The following ZFP82 variants were observed in gnomAD, a reference collection of about 807,000 sequenced individuals.
ZFP82 encodes ZFP82 zinc finger protein.
ZFP82 carries 30 observed loss-of-function variants against 54.0 expected under a neutral mutation model. That is an observed-to-expected ratio of 0.56 (90% CI 0.42 to 0.75). The LOEUF (loss-of-function observed/expected upper bound fraction) is 0.75, where lower values mean the gene tolerates loss of function less well. ZFP82 is among the 30% of genes least tolerant of loss of function. ZFP82 has a pLI of 0.00. For missense variants in ZFP82, 500 were observed against 636.8 expected (o/e 0.79, Z 2.31); for synonymous variants, 194 against 209.5 (o/e 0.93, Z 0.64).
chr19:36,418,161 T>C (rs1251882187), intron 1 of ZFP82, among the ~76,000 whole-genome samples: 2 of 151,950 alleles, frequency 1.3e-5, no homozygotes, highest in Non-Finnish European at 2.9e-5. Context: ...CCAGCGATCC[T>C]CCCGCCTCGC....
chr19:36,417,692 T>G lies in ZFP82; in HGVS notation c.-79+800A>C, dbSNP rs150646766. On this transcript the variant is annotated intron_variant, in intron 1 of 4. Transcript: ENST00000392161. Reference sequence around the variant, plus strand: ...ACATAAGAGAGATGGTGTTGTTAACTCTTCCCAGTATCAAAGAAAGGCCAG... The same window carrying G: ...ACATAAGAGAGATGGTGTTGTTAACGCTTCCCAGTATCAAAGAAAGGCCAG... Among the ~76,000 whole-genome samples, 84 of 152,226 alleles carry G rather than the reference T, an allele frequency of 5.5e-4. 1 individual carries two copies. The East Asian group carries it at 0.015, about 27-fold the overall frequency.
chr19:36,396,087 G>C (rs2032288999), intron 4 of ZFP82: 1 of 142,060 alleles, frequency 7.0e-6, no homozygotes, highest in Non-Finnish European at 1.5e-5. Context: ...TGTATTTTTA[G>C]TAGAGACAGG....
intron 2 of ZFP82, among the ~76,000 whole-genome samples, chr19:36,408,644 C>A (rs1208186699): frequency 6.6e-6 from 1 of 151,974 alleles, no homozygotes; most frequent in Non-Finnish European, 1.5e-5. Context: ...ACAGGAGAAC[C>A]CTTGTTTCTA....
intron 1 of ZFP82, among the ~76,000 whole-genome samples, chr19:36,416,878 G>C (rs1053091800): frequency 6.6e-6 from 1 of 151,504 alleles, no homozygotes; most frequent in Middle Eastern, 3.4e-3. Flanking sequence ...TTTGAGACCA[G>C]CCTGGCCAAC....
At chr19:36,384,411 G>A (rs1421954783), downstream of ZFP82, 1 of 152,008 alleles carries the variant, frequency 6.6e-6, no homozygotes, top group Non-Finnish European at 1.5e-5. Flanking sequence ...TTTCATCTTC[G>A]AAGTCCTTTT....
In ZFP82 at chr19:36,391,766, C is replaced by G. The variant is rs1468431148; in HGVS notation, c.*975G>C. The stretch of plus-strand genomic sequence containing the variant: ...ACAGGCATGGGCCACCTCACCTGGT[C>G]TAGGGTATCTGTTTTTTAATGAACA... On this transcript the variant is annotated 3_prime_UTR_variant, in exon 5 of 5. Transcript: ENST00000392161. 1 of 152,082 alleles carries G rather than the reference C, an allele frequency of 6.6e-6. No homozygotes were observed. Among genetic ancestry groups the G allele is most frequent in the African/African-American group, 2.4e-5 (1 of 41,400 alleles). 9.4% of individuals were successfully genotyped at this position (152,082 alleles called of 1,614,324 possible). A position where few individuals can be genotyped will look rare whatever the true frequency, so the allele number is the denominator to read the frequency against.
chr19:36,399,201 C>T (rs1161032492), intron 4 of ZFP82, among the ~76,000 whole-genome samples: 1 of 152,082 alleles, frequency 6.6e-6, no homozygotes, highest in Non-Finnish European at 1.5e-5. Flanking sequence ...TATGGATAAC[C>T]TTTATGAGGA....
chr19:36,417,496 C>T (rs1227585542), intron 1 of ZFP82, among the ~76,000 whole-genome samples: 3 of 152,148 alleles, frequency 2.0e-5, no homozygotes, highest in African/African-American at 7.2e-5. Flanking sequence ...AACACCCACT[C>T]GCCTCGACCT....
At chr19:36,386,544 A>G (rs986642172), downstream of ZFP82, among the ~76,000 whole-genome samples, 3 of 152,236 alleles carry the variant, frequency 2.0e-5, no homozygotes, top group Admixed American at 2.0e-4. Flanking sequence ...GCATAAGCCC[A>G]GCAAAGCCAT....
Position 36,405,637 on chromosome 19 carries a change from A to G in ZFP82, c.172T>C (p.Leu58=), listed in dbSNP as rs1438295058. Residue 58 remains leucine, a synonymous_variant, in exon 4 of 5, where the codon TTG becomes CTG. Coordinates refer to ENST00000392161, the MANE Select transcript of ZFP82 (RefSeq NM_133466.4). ...FISKPDVISS[L]EQGKEPWKVV... ...TTCCAAGGCTCTTTTCCTTGCTCCA[A>G]TGAGGAAATCACATCTGGTTTAGAA... 2 of 1,610,520 alleles carry G rather than the reference A, an allele frequency of 1.2e-6. No individual in the cohort carries two copies. The highest frequency in any genetic ancestry group is 1.3e-5 in the African/African-American group (1 of 74,902).
intron 4 of ZFP82, among the ~76,000 whole-genome samples, chr19:36,402,330 A>C (rs911786071): frequency 6.6e-6 from 1 of 152,004 alleles, no homozygotes; most frequent in Non-Finnish European, 1.5e-5. Context: ...TTAGCCAGGC[A>C]TGGTGGCGGG....
chr19:36,413,668 T>C (rs1212870158), intron 1 of ZFP82, among the ~76,000 whole-genome samples: 1 of 152,156 alleles, frequency 6.6e-6, no homozygotes, highest in Non-Finnish European at 1.5e-5. Context: ...AGATTCAGGA[T>C]ATGAACAGAG....
intron 4 of ZFP82, among the ~76,000 whole-genome samples, chr19:36,397,558 TTTG>T (rs145364896): frequency 0.032 from 4,919 of 151,870 alleles, 180 homozygotes; most frequent in East Asian, 0.095. Flanking sequence ...AAATGGATAA[TTTG>T]TTGTTTTTTT....
chr19:36,404,316 T>C (rs180991871), intron 4 of ZFP82, among the ~76,000 whole-genome samples: 1 of 152,312 alleles, frequency 6.6e-6, no homozygotes, highest in East Asian at 1.9e-4. Flanking sequence ...CTTTCACCTT[T>C]CTGATCATTA....
rs1279310156 is a variant in ZFP82, at chr19:36,389,141, G to A, written c.*3600C>T. Among the ~76,000 whole-genome samples, 2 of 151,582 alleles carry A rather than the reference G, an allele frequency of 1.3e-5. No homozygotes were observed. The highest frequency in any genetic ancestry group is 3.9e-4 in the East Asian group (2 of 5,158). ...TGCAACCTCCGCCTCCTGGGTTCAA[G>A]CGATTTTCCTGCCTCAGCCTCCCGA... On this transcript the variant is annotated 3_prime_UTR_variant, in exon 5 of 5. Transcript: ENST00000392161.
chr19:36,417,441 C>T (rs2032691954), intron 1 of ZFP82, among the ~76,000 whole-genome samples: 1 of 152,138 alleles, frequency 6.6e-6, no homozygotes, highest in African/African-American at 2.4e-5. Flanking sequence ...AACAAATATT[C>T]TCATGTCCTA....
At position 36,407,872 on chromosome 19, in the gene ZFP82, A is replaced by G. The variant is rs1202427414; in HGVS notation, c.136+15T>C. 1 of 1,611,462 alleles carries G rather than the reference A, an allele frequency of 6.2e-7. No homozygotes were observed. Among genetic ancestry groups the G allele is most frequent in the South Asian group, 1.1e-5 (1 of 90,882 alleles). The stretch of plus-strand genomic sequence containing the variant: ...AGAGAACACAGTCTAAATTCCTAGA[A>G]GCAGATAACCTTACCCAGTGAGACC... On this transcript the variant is annotated intron_variant, in intron 3 of 4. Transcript: ENST00000392161.
Position 36,394,112 on chromosome 19 carries a change from T to C in ZFP82, c.230-2A>G. The stretch of plus-strand genomic sequence containing the variant: ...TGGTCTCATACTTGGTCTCCAAATC[T>C]AAAATAAAACAAGAAAGCAAACACA... On this transcript the variant is annotated splice_acceptor_variant, in intron 4 of 4. Coordinates refer to ENST00000392161, the MANE Select transcript of ZFP82 (RefSeq NM_133466.4). LOFTEE classifies it high-confidence loss of function. 3.8e-6 allele frequency: 6 copies of C among 1,595,876 alleles called. No individual in the cohort carries two copies. The highest frequency in any genetic ancestry group is 5.1e-6 in the Non-Finnish European group (6 of 1,175,640).
intron 4 of ZFP82, among the ~76,000 whole-genome samples, chr19:36,397,091 A>AT (rs35809280): frequency 0.23 from 30,368 of 132,110 alleles, 3,387 homozygotes; most frequent in Middle Eastern, 0.39. Flanking sequence ...GCATAAACCA[A>AT]TTTTTTTTTT....
Sources: allele counts gnomAD v4.1 joint callset (sites outside exome capture counted in the v4.1 genomes callset), GRCh38; gene constraint gnomAD v4.1.1; transcripts MANE v1.5; gene names NCBI Gene and HGNC (gene_info 2026-07-23, HGNC 2026-07-21).